COX7B2: variants seen among roughly 807,000 people sequenced by gnomAD.
COX7B2 encodes cytochrome c oxidase subunit 7B2.
For synonymous variants in COX7B2, 37 were observed against 32.1 expected, an observed-to-expected ratio of 1.15 and a Z score of -0.51; for missense variants, 109 against 95.9, an observed-to-expected ratio of 1.14 and a Z score of -0.57.
chr4:46,889,961 G>GA (rs1001904221), intron 1 of COX7B2, among the ~76,000 whole-genome samples: 4 of 149,896 alleles, frequency 2.7e-5, no homozygotes, highest in East Asian at 1.9e-4. Flanking sequence ...TATTATGAGG[G>GA]AAAAAAAATG....
chr4:46,874,976 C>A (rs771806389), intron 1 of COX7B2, among the ~76,000 whole-genome samples: 8 of 152,142 alleles, frequency 5.3e-5, no homozygotes, highest in Non-Finnish European at 1.0e-4. Context: ...CTCATTCCTG[C>A]CACCTAGTAC....
chr4:46,763,181 C>CAT (rs1238063513), intron 2 of COX7B2, among the ~76,000 whole-genome samples: 16 of 129,172 alleles, frequency 1.2e-4, no homozygotes, highest in Middle Eastern at 8.1e-3. Flanking sequence ...TATTTATATA[C>CAT]TGTAAATATA....
At chr4:46,739,735 C>T (rs1714593532) in intron 2 of COX7B2, among the ~76,000 whole-genome samples, 1 of 151,996 alleles carries the variant, frequency 6.6e-6, no homozygotes, top group African/African-American at 2.4e-5. Flanking sequence ...CGTAAGCACA[C>T]AGGCTGGAAT....
At chr4:46,887,592 TC>T (rs1719153740) in intron 1 of COX7B2, among the ~76,000 whole-genome samples, 1 of 150,832 alleles carries the variant, frequency 6.6e-6, no homozygotes, top group South Asian at 2.1e-4. Flanking sequence ...GCGCCTGTAG[TC>T]CCAGCTACTC....
At chr4:46,865,417 A>G (rs115276503) in intron 1 of COX7B2, among the ~76,000 whole-genome samples, 1,688 of 152,318 alleles carry the variant, frequency 0.011, 19 homozygotes, top group Middle Eastern at 0.041. Context: ...TGATAAGCAT[A>G]TATGTGCAAG....
At chr4:46,846,692 TAAC>T (rs1716299896) in intron 1 of COX7B2, among the ~76,000 whole-genome samples, 1 of 151,878 alleles carries the variant, frequency 6.6e-6, no homozygotes, top group Middle Eastern at 3.2e-3. Context: ...GCTAGAGAAG[TAAC>T]AAAAAAGCCA....
intron 2 of COX7B2, among the ~76,000 whole-genome samples, chr4:46,788,202 A>G (rs1398288581): frequency 6.6e-6 from 1 of 152,246 alleles, no homozygotes; most frequent in Non-Finnish European, 1.5e-5. Context: ...CACATTTAAT[A>G]TGATTGGTCA....
intron 2 of COX7B2, among the ~76,000 whole-genome samples, chr4:46,749,563 T>G (rs376870122): frequency 9.2e-5 from 14 of 152,186 alleles, no homozygotes; most frequent in Middle Eastern, 3.2e-3. Flanking sequence ...GTACATAAAT[T>G]AACTTCAATT....
intron 2 of COX7B2, among the ~76,000 whole-genome samples, chr4:46,819,467 G>A (rs1714115088): frequency 6.6e-6 from 1 of 150,812 alleles, no homozygotes; most frequent in South Asian, 2.1e-4. Context: ...GCTTCTCCAG[G>A]CCACACTGCA....
At chr4:46,736,503 G>A (rs966404741) in intron 2 of COX7B2, among the ~76,000 whole-genome samples, 5 of 152,028 alleles carry the variant, frequency 3.3e-5, no homozygotes, top group African/African-American at 4.8e-5. Context: ...TCCTGAGGAA[G>A]GAACTCAGAT....
chr4:46,797,112 A>T (rs1398645307), intron 2 of COX7B2, among the ~76,000 whole-genome samples: 1 of 134,454 alleles, frequency 7.4e-6, no homozygotes, highest in African/African-American at 3.3e-5. Context: ...AAAAAAAAAA[A>T]AAAAAAAAAA....
intron 2 of COX7B2, among the ~76,000 whole-genome samples, chr4:46,755,415 A>G (rs915328422): frequency 2.0e-5 from 3 of 152,084 alleles, no homozygotes; most frequent in African/African-American, 7.2e-5. Flanking sequence ...CAAGAAAATG[A>G]TGCCCACTTT....
intron 1 of COX7B2, among the ~76,000 whole-genome samples, chr4:46,892,455 C>A (rs950102743): frequency 2.0e-5 from 3 of 152,154 alleles, no homozygotes; most frequent in Non-Finnish European, 4.4e-5. Flanking sequence ...GATACAGAAA[C>A]TGAAACATGT....
At chr4:46,866,623 T>C (rs1487201331) in intron 1 of COX7B2, among the ~76,000 whole-genome samples, 1 of 151,968 alleles carries the variant, frequency 6.6e-6, no homozygotes, top group African/African-American at 2.4e-5. Context: ...AGGGCAGCAA[T>C]AGGACTAGTG....
intron 2 of COX7B2, among the ~76,000 whole-genome samples, chr4:46,805,911 T>A (rs1009415094): frequency 6.6e-6 from 1 of 152,200 alleles, no homozygotes; most frequent in African/African-American, 2.4e-5. Flanking sequence ...ATATCTTGAA[T>A]GTCCTTAGAA....
At chr4:46,818,685 T>C (rs1193297028) in intron 2 of COX7B2, among the ~76,000 whole-genome samples, 1 of 151,510 alleles carries the variant, frequency 6.6e-6, no homozygotes, top group African/African-American at 2.4e-5. Flanking sequence ...ATCTCAAGCA[T>C]CTTTCATTGT....
In COX7B2 at chr4:46,847,872, G is replaced by A. The variant is rs181958841; in HGVS notation, c.-104-2858C>T. On this transcript the variant is annotated intron_variant, in intron 1 of 2. Transcript: ENST00000355591. Reference sequence around the variant, plus strand: ...AGCATTGAAAATGACAGGAGAAGCCGGGTTCAGCCACTTCCACTCCAGCCT... The same window carrying A: ...AGCATTGAAAATGACAGGAGAAGCCAGGTTCAGCCACTTCCACTCCAGCCT... Among the ~76,000 whole-genome samples, 1,179 of 152,016 alleles carry A rather than the reference G, an allele frequency of 7.8e-3. 18 individuals carry two copies. The highest frequency in any genetic ancestry group is 0.027 in the African/African-American group (1,133 of 41,504).
rs147382142 is a variant in COX7B2, at chr4:46,735,221, G to A, written c.-29C>T. 3.6e-4 allele frequency: 576 copies of A among 1,610,666 alleles called. 10 individuals are homozygous for A. In the East Asian group the frequency reaches 0.01, roughly 29 times the overall value. The stretch of plus-strand genomic sequence containing the variant: ...GGATTGCAGTTGCCTTCAGCTACTG[G>A]TCTATTTTGTTGCAAAGAGGCTGGA... On this transcript the variant is annotated 5_prime_UTR_variant, in exon 3 of 3. Transcript: ENST00000355591.
At chr4:46,745,892 C>T (rs1714994169) in intron 2 of COX7B2, among the ~76,000 whole-genome samples, 1 of 152,144 alleles carries the variant, frequency 6.6e-6, no homozygotes, top group Non-Finnish European at 1.5e-5. Flanking sequence ...GTTTCAACCT[C>T]TATTTCATTA....
Sources: allele counts gnomAD v4.1 joint callset (sites outside exome capture counted in the v4.1 genomes callset), GRCh38; gene constraint gnomAD v4.1.1; transcripts MANE v1.5; gene names NCBI Gene and HGNC (gene_info 2026-07-23, HGNC 2026-07-21).